ASCC3: variants seen among roughly 807,000 people sequenced by gnomAD.
ASCC3 encodes the protein ASC-1 complex subunit P200.
ASCC3 carries 158 observed loss-of-function variants against 256.3 expected under a neutral mutation model. The observed-to-expected ratio is 0.62, with a 90% CI of 0.54 to 0.70. ASCC3 has a LOEUF of 0.70. ASCC3 is among the 30% of genes least tolerant of loss of function. The probability of loss-of-function intolerance (pLI) is 0.00; values close to 1 mark genes in which losing one functional copy is unlikely to be tolerated. For missense variants in ASCC3, 2,259 were observed against 2,626.0 expected (o/e 0.86, Z 3.05); for synonymous variants, 948 against 883.4 (o/e 1.07, Z -1.30).
At chr6:100,760,666 G>A (rs1329725729) in intron 10 of ASCC3, among the ~76,000 whole-genome samples, 1 of 152,146 alleles carries the variant, frequency 6.6e-6, no homozygotes, top group Non-Finnish European at 1.5e-5. Flanking sequence ...GTTCAGAACT[G>A]ACAAGCATAA....
At chr6:100,830,931 T>C (rs1771589438) in intron 4 of ASCC3, among the ~76,000 whole-genome samples, 1 of 152,196 alleles carries the variant, frequency 6.6e-6, no homozygotes, top group South Asian at 2.1e-4. Flanking sequence ...CTCAGATTCA[T>C]CAAAATACTT....
intron 22 of ASCC3, among the ~76,000 whole-genome samples, chr6:100,645,179 G>T (rs1775318051): frequency 6.6e-6 from 1 of 152,044 alleles, no homozygotes; most frequent in Admixed American, 6.6e-5. Context: ...ATATTGGTAG[G>T]AGACAGTGTA....
At chr6:100,775,849 T>A (rs1562288795) in intron 8 of ASCC3, among the ~76,000 whole-genome samples, 3 of 149,852 alleles carry the variant, frequency 2.0e-5, no homozygotes, top group African/African-American at 7.3e-5. Context: ...TGACAGCAGT[T>A]AAAAAAAAAA....
chr6:100,647,602 T>C, intron 20 of ASCC3, 151 bp from the exon 21 acceptor site: 2 of 697,876 alleles, frequency 2.9e-6, no homozygotes, highest in Non-Finnish European at 4.9e-6. Flanking sequence ...ATAATCCTAA[T>C]TATCTTATTA....
chr6:100,557,618 A>G (rs1769672735), intron 36 of ASCC3, among the ~76,000 whole-genome samples: 1 of 141,080 alleles, frequency 7.1e-6, no homozygotes, highest in African/African-American at 2.7e-5. Context: ...TACCTGGTAT[A>G]TCTTTTCCCA....
chr6:100,779,535 T>C (rs536139265), intron 8 of ASCC3, among the ~76,000 whole-genome samples: 2 of 152,282 alleles, frequency 1.3e-5, no homozygotes, highest in East Asian at 3.9e-4. Context: ...AAACCTAATT[T>C]ATAGGTGAAA....
chr6:100,586,986 T>C (rs1461274743), intron 36 of ASCC3, among the ~76,000 whole-genome samples: 1 of 152,152 alleles, frequency 6.6e-6, no homozygotes. Flanking sequence ...TTTAGAAACA[T>C]CAATGAATGT....
chr6:100,632,182 TAAAAAA>T (rs35229827), intron 25 of ASCC3, among the ~76,000 whole-genome samples: 2 of 102,016 alleles, frequency 2.0e-5, no homozygotes, highest in Non-Finnish European at 4.0e-5. Context: ...GCAAACTATC[TAAAAAA>T]AAAAAAAAAA....
intron 1 of ASCC3, among the ~76,000 whole-genome samples, chr6:100,872,920 C>A (rs1416793598): frequency 6.6e-6 from 1 of 152,088 alleles, no homozygotes; most frequent in Non-Finnish European, 1.5e-5. Context: ...CTCTGACAGA[C>A]CCTACCCAAA....
chr6:100,639,724 C>T (rs909161413), intron 24 of ASCC3, among the ~76,000 whole-genome samples: 2 of 152,056 alleles, frequency 1.3e-5, no homozygotes, highest in African/African-American at 4.8e-5. Context: ...AAAAATTATC[C>T]TTTCCCCACT....
intron 10 of ASCC3, among the ~76,000 whole-genome samples, chr6:100,741,767 C>T (rs1162380210): frequency 6.6e-6 from 1 of 152,162 alleles, no homozygotes; most frequent in Non-Finnish European, 1.5e-5. Flanking sequence ...GCTATTTTGG[C>T]TGTCAGCTCT....
intron 10 of ASCC3, among the ~76,000 whole-genome samples, chr6:100,753,725 A>G (rs188255118): frequency 6.6e-6 from 1 of 152,248 alleles, no homozygotes; most frequent in South Asian, 2.1e-4. Context: ...GCAGTGATCA[A>G]AGAATGTGCT....
chr6:100,762,511 A>G (rs532398752), intron 10 of ASCC3, among the ~76,000 whole-genome samples: 10 of 152,332 alleles, frequency 6.6e-5, no homozygotes, highest in African/African-American at 2.2e-4. Flanking sequence ...GGAAAAGTAG[A>G]TAAGTGTTTT....
chr6:100,722,097 C>T (rs1779368854), intron 11 of ASCC3, among the ~76,000 whole-genome samples: 1 of 151,808 alleles, frequency 6.6e-6, no homozygotes, highest in Non-Finnish European at 1.5e-5. Context: ...GGAGTCCTTT[C>T]CCCATTGCTT....
intron 36 of ASCC3, among the ~76,000 whole-genome samples, chr6:100,580,260 C>A (rs1453182117): frequency 6.6e-6 from 1 of 151,770 alleles, no homozygotes; most frequent in Non-Finnish European, 1.5e-5. Context: ...AATTCTAACT[C>A]ATTTTTTTTT....
intron 14 of ASCC3, among the ~76,000 whole-genome samples, chr6:100,668,565 C>T (rs1408466955): frequency 6.6e-6 from 1 of 151,900 alleles, no homozygotes; most frequent in Admixed American, 6.6e-5. Context: ...AACACTTAAA[C>T]TGATTCTACA....
intron 36 of ASCC3, among the ~76,000 whole-genome samples, chr6:100,582,377 G>A (rs1469878974): frequency 6.6e-6 from 1 of 151,466 alleles, no homozygotes; most frequent in Non-Finnish European, 1.5e-5. Context: ...TCATGATTTG[G>A]CTCTCTGTTT....
intron 37 of ASCC3, among the ~76,000 whole-genome samples, chr6:100,536,582 A>C (rs987151443): frequency 6.6e-6 from 1 of 152,100 alleles, no homozygotes; most frequent in Non-Finnish European, 1.5e-5. Flanking sequence ...CCTGGGTTCA[A>C]GCAATTCTCT....
intron 34 of ASCC3, among the ~76,000 whole-genome samples, chr6:100,593,029 T>G (rs1772085681): frequency 6.6e-6 from 1 of 152,124 alleles, no homozygotes. Context: ...AATAATTGAC[T>G]TGTCAGAAGC....
Sources: gnomAD v4.1 joint callset for allele counts (sites outside exome capture counted in the v4.1 genomes callset) on GRCh38, gnomAD v4.1.1 for gene constraint, MANE v1.5 for transcripts, NCBI Gene and HGNC (gene_info 2026-07-23, HGNC 2026-07-21) for gene names.